The following CYTH3 variants were observed in gnomAD, a reference collection of about 807,000 sequenced individuals.
CYTH3 encodes cytohesin 3.
A neutral mutation model predicts 55.1 loss-of-function variants in CYTH3; 23 were observed. That is an observed-to-expected ratio of 0.42 (90% CI 0.30 to 0.59). The LOEUF (loss-of-function observed/expected upper bound fraction) is 0.59, where lower values mean the gene tolerates loss of function less well. Ranked by LOEUF, CYTH3 falls within the 20% of genes least tolerant of loss-of-function variation. The probability of loss-of-function intolerance (pLI) is 0.20; values close to 1 mark genes in which losing one functional copy is unlikely to be tolerated. For missense variants in CYTH3, 413 were observed against 524.8 expected (o/e 0.79, Z 2.08); for synonymous variants, 249 against 194.9 (o/e 1.28, Z -2.31).
intron 1 of CYTH3, among the ~76,000 whole-genome samples, chr7:6,202,894 A>T (rs947963538): frequency 2.0e-5 from 3 of 152,250 alleles, no homozygotes; most frequent in African/African-American, 7.2e-5. Flanking sequence ...CAGAACAAAA[A>T]ACATCCCACT....
chr7:6,187,639 G>A lies in CYTH3; in HGVS notation c.182+18C>T, dbSNP rs760512975. On this transcript the variant is annotated intron_variant, in intron 3 of 12. Transcript: ENST00000350796. ...AGAAAAGAGTAAATAGCTTAAAGGT[G>A]TAGCCACAAATTGTTACCTCTCCTC... is the stretch of plus-strand genomic sequence containing the variant. 2.5e-6 allele frequency: 4 copies of A among 1,603,582 alleles called. No homozygotes were observed. The highest frequency in any genetic ancestry group is 2.2e-5 in the South Asian group (2 of 90,888).
rs572021879 is a variant in CYTH3 at position 6,266,388 on chromosome 7, C to G, written c.34+6086G>C. ...GATGAAGAGTCAATAAATTAAGACGCAGAAAGTACACAGGACATACAGCAT... is the reference window on the plus strand; with the variant it reads ...GATGAAGAGTCAATAAATTAAGACGGAGAAAGTACACAGGACATACAGCAT... On this transcript the variant is annotated intron_variant, in intron 1 of 12. Transcript: ENST00000350796. 1.8e-4 allele frequency among the ~76,000 whole-genome samples: 27 copies of G among 152,224 alleles called. No individual in the cohort carries two copies. In the South Asian group the frequency reaches 4.4e-3, roughly 25 times the overall value.
chr7:6,250,238 T>C (rs1357452515), intron 1 of CYTH3, among the ~76,000 whole-genome samples: 1 of 152,192 alleles, frequency 6.6e-6, no homozygotes, highest in East Asian at 1.9e-4. Flanking sequence ...ACAGACAACA[T>C]GATTCTACTC....
At chr7:6,202,307 C>T (rs552113785) in intron 1 of CYTH3, among the ~76,000 whole-genome samples, 2 of 152,170 alleles carry the variant, frequency 1.3e-5, no homozygotes, top group Admixed American at 6.5e-5. Context: ...AGGCCCCAGA[C>T]GAACGCGTAA....
chr7:6,215,268 C>T (rs1784401056), intron 1 of CYTH3, among the ~76,000 whole-genome samples: 1 of 152,122 alleles, frequency 6.6e-6, no homozygotes, highest in Non-Finnish European at 1.5e-5. Context: ...CTTGATAGTC[C>T]CAAAACGTAC....
chr7:6,218,492 T>C (rs1488761679), intron 1 of CYTH3, among the ~76,000 whole-genome samples: 1 of 152,180 alleles, frequency 6.6e-6, no homozygotes, highest in African/African-American at 2.4e-5. Flanking sequence ...TCTAGAACAG[T>C]ACAAGAATAA....
intron 4 of CYTH3, 139 bp from the exon 5 acceptor site, chr7:6,178,080 C>T (rs1783393393): frequency 1.6e-6 from 1 of 620,930 alleles, no homozygotes; most frequent in East Asian, 2.7e-5. Context: ...TACAACTGCA[C>T]AATCTGATTT....
chr7:6,267,605 C>G (rs899326929), intron 1 of CYTH3, among the ~76,000 whole-genome samples: 6 of 152,220 alleles, frequency 3.9e-5, no homozygotes, highest in Non-Finnish European at 8.8e-5. Flanking sequence ...CTCATTGCAA[C>G]CTCTGCCTCC....
chr7:6,230,848 G>C (rs535025759), intron 1 of CYTH3, among the ~76,000 whole-genome samples: 50 of 152,266 alleles, frequency 3.3e-4, no homozygotes, highest in African/African-American at 1.2e-3. Context: ...TAGGATTATA[G>C]GTAATGTTTA....
chr7:6,200,902 C>T (rs1368789928), intron 1 of CYTH3, among the ~76,000 whole-genome samples: 1 of 152,178 alleles, frequency 6.6e-6, no homozygotes, highest in Admixed American at 6.5e-5. Flanking sequence ...ACCACAGGCA[C>T]GTACCACCAT....
At chr7:6,254,610 G>C (rs1041199242) in intron 1 of CYTH3, among the ~76,000 whole-genome samples, 1 of 152,146 alleles carries the variant, frequency 6.6e-6, no homozygotes, top group Non-Finnish European at 1.5e-5. Flanking sequence ...CACAATGCTC[G>C]GCTAATTTTT....
intron 1 of CYTH3, among the ~76,000 whole-genome samples, chr7:6,216,782 T>TAC (rs1481801788): frequency 1.4e-5 from 2 of 139,752 alleles, no homozygotes; most frequent in Non-Finnish European, 3.0e-5. Context: ...TACACATACA[T>TAC]ACACACACAT....
At chr7:6,177,057 C>G (rs1783370270) in intron 5 of CYTH3, among the ~76,000 whole-genome samples, 1 of 152,188 alleles carries the variant, frequency 6.6e-6, no homozygotes, top group East Asian at 1.9e-4. Context: ...TGGGGTAAGT[C>G]CCCCTTGGTG....
At chr7:6,269,338 G>A (rs566898613) in intron 1 of CYTH3, among the ~76,000 whole-genome samples, 8 of 152,312 alleles carry the variant, frequency 5.3e-5, no homozygotes, top group African/African-American at 1.9e-4. Flanking sequence ...CCTGTCTGAA[G>A]GTGAAAGGTG....
intron 4 of CYTH3, among the ~76,000 whole-genome samples, chr7:6,185,872 G>C (rs1165701924): frequency 2.0e-5 from 3 of 152,020 alleles, no homozygotes; most frequent in Admixed American, 6.6e-5. Context: ...TCTGCAATCA[G>C]ATATTTATCG....
chr7:6,166,293 C>G (rs531625628), intron 9 of CYTH3, among the ~76,000 whole-genome samples: 1 of 152,254 alleles, frequency 6.6e-6, no homozygotes, highest in African/African-American at 2.4e-5. Context: ...TGCACACGCA[C>G]GTACCCCCAT....
At position 6,240,292 on chromosome 7, in the gene CYTH3, CAAAAAAA is replaced by C. The variant is rs60884841; in HGVS notation, c.34+32175_34+32181del. Among the ~76,000 whole-genome samples the C allele has an allele frequency of 1.7e-4, 10 of 60,550 alleles. No individual in the cohort carries two copies. In the South Asian group the frequency reaches 4.5e-3, roughly 27 times the overall value. 39.7% of individuals were successfully genotyped at this position (60,550 alleles called of 152,430 possible). The stretch of plus-strand genomic sequence containing the variant: ...TACTCCAGCCTGGGAGACTCCATCT[CAAAAAAA>C]AAAAAAAAAAAAAAGAATGAGATCA... On this transcript the variant is annotated intron_variant, in intron 1 of 12. Transcript: ENST00000350796.
intron 1 of CYTH3, among the ~76,000 whole-genome samples, chr7:6,233,655 CAAAAAAA>C (rs557639314): frequency 0.16 from 12,358 of 79,636 alleles, 1,356 homozygotes; most frequent in African/African-American, 0.34. Context: ...GACTCCATCT[CAAAAAAA>C]AAAAAAAAAA....
intron 1 of CYTH3, among the ~76,000 whole-genome samples, chr7:6,258,237 A>C (rs1780181113): frequency 6.6e-6 from 1 of 151,644 alleles, no homozygotes; most frequent in Admixed American, 6.6e-5. Flanking sequence ...CACTGGAGCC[A>C]AGGAGGTTGA....
Sources: gnomAD v4.1 joint callset for allele counts (sites outside exome capture counted in the v4.1 genomes callset) on GRCh38, gnomAD v4.1.1 for gene constraint, MANE v1.5 for transcripts, NCBI Gene and HGNC (gene_info 2026-07-23, HGNC 2026-07-21) for gene names.